The following LARS1 variants were observed in gnomAD, a reference collection of about 807,000 sequenced individuals.
The protein encoded by LARS1 is leucyl-tRNA synthetase 1.
Under a neutral mutation model 162.8 loss-of-function variants are expected in LARS1, and 100 were observed. The observed-to-expected ratio is 0.61, with a 90% CI of 0.52 to 0.73. The LOEUF (loss-of-function observed/expected upper bound fraction) is 0.73, where lower values mean the gene tolerates loss of function less well. Among genes scored for constraint, LARS1 ranks in the 30% least tolerant of loss-of-function variants. The probability of loss-of-function intolerance (pLI) is 0.00; values close to 1 mark genes in which losing one functional copy is unlikely to be tolerated. For missense variants in LARS1, 1,258 were observed against 1,408.9 expected, an observed-to-expected ratio of 0.89 and a Z score of 1.71; for synonymous variants, 457 against 462.8, an observed-to-expected ratio of 0.99 and a Z score of 0.16.
At chr5:146,172,386 C>T (rs997788263) in intron 3 of LARS1, among the ~76,000 whole-genome samples, 8 of 151,672 alleles carry the variant, frequency 5.3e-5, no homozygotes, top group Admixed American at 1.3e-4. Flanking sequence ...CGTGGTGGTG[C>T]GTGCCTGTAG....
chr5:146,182,199 C>CTTTG (rs1754902614), intron 1 of LARS1: 2 of 437,294 alleles, frequency 4.6e-6, no homozygotes, highest in Non-Finnish European at 8.4e-6. Flanking sequence ...CCTCGGCCTC[C>CTTTG]CAAAGTGCTG....
intron 14 of LARS1, among the ~76,000 whole-genome samples, 186 bp downstream of exon 14, chr5:146,151,676 T>C (rs969261756): frequency 1.1e-4 from 16 of 152,308 alleles, no homozygotes; most frequent in East Asian, 1.9e-4. Context: ...TTTCTGAAAA[T>C]GCTTTTAGGC....
chr5:146,170,387 T>C (rs151092143), intron 4 of LARS1, among the ~76,000 whole-genome samples: 80 of 151,960 alleles, frequency 5.3e-4, no homozygotes, highest in African/African-American at 1.9e-3. Flanking sequence ...AGAGAATCAC[T>C]TGAACTTGGG....
chr5:146,120,562 C>T (rs1751776603), intron 30 of LARS1, 59 bp from the exon 31 acceptor site: 10 of 1,536,210 alleles, frequency 6.5e-6, no homozygotes, highest in South Asian at 3.5e-5. Context: ...GAGGAGGAAT[C>T]TCTGCTACGT....
chr5:146,144,844 C>T lies in LARS1; in HGVS notation c.1504-135G>A, dbSNP rs1752944068. On this transcript the variant is annotated intron_variant, in intron 15 of 31. Coordinates refer to ENST00000394434, the MANE Select transcript of LARS1 (RefSeq NM_020117.11). ...CACATTTTCATTATGTCTTGCCCGC[C>T]TTCCCAGGGTCAGTCATCTTCTACC... 2.0e-5 allele frequency: 14 copies of T among 703,388 alleles called. No homozygotes were observed. In the East Asian group the frequency reaches 3.5e-4, roughly 18 times the overall value. The allele number at this position is 703,388 out of a possible 1,614,324, so 43.6% of individuals were successfully genotyped here.
intron 1 of LARS1, among the ~76,000 whole-genome samples, chr5:146,178,651 G>A (rs1205785683): frequency 6.6e-6 from 1 of 151,686 alleles, no homozygotes; most frequent in East Asian, 1.9e-4. Context: ...CTCTTTTCAA[G>A]TTTCCATAAA....
At chr5:146,128,919 T>A in intron 26 of LARS1, 59 bp downstream of exon 26, 1 of 1,488,182 alleles carries the variant, frequency 6.7e-7, no homozygotes, top group Non-Finnish European at 9.1e-7. Flanking sequence ...TGTTAAATGT[T>A]ATCTGATCAA....
At chr5:146,165,964 A>G (rs1276501907) in intron 5 of LARS1, among the ~76,000 whole-genome samples, 1 of 141,750 alleles carries the variant, frequency 7.1e-6, no homozygotes, top group Non-Finnish European at 1.6e-5. Context: ...AGGGGTATCA[A>G]TATGAACTTA....
Position 146,114,128 on chromosome 5 carries a change from G to A in LARS1, c.3509C>T (p.Thr1170Ile). ...ENGIRVDIGD[T>I]IIYLVH is the part of the protein sequence containing the mutation. The stretch of plus-strand genomic sequence containing the variant: ...AGTTTAATGAACCAGATAGATTATT[G>A]TATCGCCAATATCCACCCTTATCCC... The change falls in exon 32 of 32, where the codon ACA becomes ATA. Residue 1170 changes from threonine to isoleucine, a missense_variant. Transcript: ENST00000394434. 6.2e-7 allele frequency: 1 copy of A among 1,613,302 alleles called. No homozygotes were observed. Among genetic ancestry groups the A allele is most frequent in the Non-Finnish European group, 8.5e-7 (1 of 1,179,608 alleles).
chr5:146,132,462 A>G (rs573220621), intron 23 of LARS1: 2 of 155,190 alleles, frequency 1.3e-5, no homozygotes, highest in East Asian at 3.8e-4. Flanking sequence ...ATGACTCCAA[A>G]GATATTTATC....
intron 21 of LARS1, 26 bp from the exon 22 acceptor site, chr5:146,135,690 C>A (rs780559301): frequency 6.5e-7 from 1 of 1,527,892 alleles, no homozygotes; most frequent in South Asian, 1.2e-5. Flanking sequence ...AGTGATCAAT[C>A]ATTAATAACA....
In LARS1 at chr5:146,120,463, T is replaced by C. The variant is rs751476090; in HGVS notation, c.3233A>G (p.Asn1078Ser). 2 of 1,613,146 alleles carry C rather than the reference T, an allele frequency of 1.2e-6. No homozygotes were observed. Among genetic ancestry groups the C allele is most frequent in the Non-Finnish European group, 1.7e-6 (2 of 1,179,372 alleles). The change falls in exon 31 of 32, where the codon AAT becomes AGT. Residue 1078 changes from asparagine (N) to serine (S), a missense_variant. By Grantham distance (46) the Asn-to-Ser change is conservative. Coordinates refer to ENST00000394434, the MANE Select transcript of LARS1 (RefSeq NM_020117.11). ...SVSLVNPQPS[N>S]GHFSTKIEIR... is the part of the protein sequence containing the mutation. Reference sequence around the variant, plus strand: ...TTCAATTTTGGTTGAGAAGTGGCCATTGGATGGCTGGGGATTCACCAGAGA... The same window carrying C: ...TTCAATTTTGGTTGAGAAGTGGCCACTGGATGGCTGGGGATTCACCAGAGA...
chr5:146,146,302 T>G (rs1753001290), intron 15 of LARS1, among the ~76,000 whole-genome samples: 1 of 145,394 alleles, frequency 6.9e-6, no homozygotes, highest in Non-Finnish European at 1.5e-5. Flanking sequence ...ATCGTGCCAT[T>G]GCACTCCAGC....
intron 20 of LARS1, among the ~76,000 whole-genome samples, chr5:146,140,636 T>A (rs1254090304): frequency 6.6e-6 from 1 of 152,136 alleles, no homozygotes; most frequent in Non-Finnish European, 1.5e-5. Context: ...TGAAGCCCCA[T>A]CTCTACTAAA....
At chr5:146,170,053 A>G (rs1381613485) in intron 4 of LARS1, among the ~76,000 whole-genome samples, 2 of 152,228 alleles carry the variant, frequency 1.3e-5, no homozygotes, top group African/African-American at 4.8e-5. Flanking sequence ...GAAAACTCAT[A>G]TCATAGGACA....
intron 25 of LARS1, 109 bp from the exon 26 acceptor site, chr5:146,129,227 C>CT: frequency 1.0e-6 from 1 of 958,388 alleles, no homozygotes; most frequent in Non-Finnish European, 1.5e-6. Context: ...TAATTGTGTG[C>CT]TCAGAGTTCA....
At chr5:146,134,097 G>C (rs1413662083) in intron 22 of LARS1, among the ~76,000 whole-genome samples, 3 of 152,104 alleles carry the variant, frequency 2.0e-5, no homozygotes, top group African/African-American at 7.2e-5. Context: ...GCCCACCTCA[G>C]CCTCCCAAAG....
intron 1 of LARS1, 47 bp from the exon 2 acceptor site, chr5:146,177,712 G>T: frequency 9.9e-7 from 1 of 1,011,930 alleles, no homozygotes; most frequent in Non-Finnish European, 1.5e-6. Context: ...CAGCACGCTT[G>T]CTTTAAAAAA....
chr5:146,114,314 A>G lies in LARS1; in HGVS notation c.3326-3T>C, dbSNP rs749698974. 1.6e-5 allele frequency: 25 copies of G among 1,611,544 alleles called. No homozygotes were observed. The South Asian group carries it at 2.3e-4, about 15-fold the overall frequency. The stretch of plus-strand genomic sequence containing the variant: ...CATCAGTTTCACTTTGGAAAGGTCT[A>G]CAACAAAATAAATTATCAATATAAG... On this transcript the variant is annotated splice_polypyrimidine_tract_variant and splice_region_variant and intron_variant, in intron 31 of 31. Coordinates refer to ENST00000394434, the MANE Select transcript of LARS1 (RefSeq NM_020117.11).
Sources: allele counts gnomAD v4.1 joint callset (sites outside exome capture counted in the v4.1 genomes callset), GRCh38; gene constraint gnomAD v4.1.1; transcripts MANE v1.5; gene names NCBI Gene and HGNC (gene_info 2026-07-23, HGNC 2026-07-21).